DNAH11: variants seen among roughly 807,000 people sequenced by gnomAD.
DNAH11 encodes the protein dynein axonemal heavy chain 11.
DNAH11 carries 442 observed loss-of-function variants against 526.0 expected under a neutral mutation model. The ratio of observed to expected loss-of-function variants is 0.84; its 90% CI spans 0.78 to 0.91. DNAH11 has a LOEUF of 0.91. Among genes scored for constraint, DNAH11 ranks in the 40% least tolerant of loss-of-function variants. DNAH11 has a pLI of 0.00. For synonymous variants in DNAH11, 2,461 were observed against 1,935.9 expected, an observed-to-expected ratio of 1.27 and a Z score of -7.12; for missense variants, 6,989 against 5,448.7, an observed-to-expected ratio of 1.28 and a Z score of -8.90.
intron 9 of DNAH11, among the ~76,000 whole-genome samples, chr7:21,583,397 G>C (rs1339257470): frequency 6.6e-6 from 1 of 152,162 alleles, no homozygotes; most frequent in Non-Finnish European, 1.5e-5. Context: ...GCAGAAAACG[G>C]AAACTGGACC....
At position 21,900,071 on chromosome 7, in the gene DNAH11, T is replaced by C. The variant is rs527548552; in HGVS notation, c.13254T>C (p.Tyr4418=). 69 of 1,613,942 alleles carry C rather than the reference T, an allele frequency of 4.3e-5. No homozygotes were observed. The East Asian group carries it at 1.4e-3, about 32-fold the overall frequency. The part of the protein sequence containing the change: ...ADVTKKTKED[Y]GHPPREGAYL... ...TTACCAAAAAAACAAAGGAAGATTA[T>C]GGACACCCGCCAAGGGAAGGTGCAT... Residue 4418 remains tyrosine (Y), a synonymous_variant, in exon 81 of 82, where the codon TAT becomes TAC. Transcript: ENST00000409508.
rs894257059 is a variant in DNAH11, at chr7:21,899,261, G to A, written c.13050-75G>A. The A allele has an allele frequency of 1.3e-5, 16 of 1,206,060 alleles. 1 individual carries two copies. The Middle Eastern group carries it at 5.7e-4, about 43-fold the overall frequency. The allele number at this position is 1,206,060 out of a possible 1,614,324, so 74.7% of individuals were successfully genotyped here. ...CCTCCACCACCACCCTGCCCTAACC[G>A]CCCACAACAGAACATACTGGAAAAT... On this transcript the variant is annotated intron_variant, in intron 79 of 81. Coordinates refer to ENST00000409508, the MANE Select transcript of DNAH11 (RefSeq NM_001277115.2).
At chr7:21,613,120 T>C (rs1785599657) in intron 20 of DNAH11, among the ~76,000 whole-genome samples, 4 of 151,626 alleles carry the variant, frequency 2.6e-5, no homozygotes, top group African/African-American at 9.7e-5. Context: ...AAAAAAATAG[T>C]GTGTATTCAT....
intron 66 of DNAH11, chr7:21,851,642 G>C (rs750638423): frequency 2.1e-6 from 1 of 471,164 alleles, no homozygotes; most frequent in African/African-American, 2.0e-5. Context: ...TTTCCTGGAG[G>C]TAAAACTCAA....
In DNAH11 at chr7:21,749,749, C is replaced by T; in HGVS notation, c.8745C>T (p.Ala2915=). The change falls in exon 53 of 82, where the codon GCC becomes GCT. Residue 2915 remains alanine (A), a synonymous_variant. Coordinates refer to ENST00000409508, the MANE Select transcript of DNAH11 (RefSeq NM_001277115.2). ...CCACTGTGTTCCTGCTGACAGATGC[C>T]CAGGTTCTAGATGAGAGCTTCCTCG... is the stretch of plus-strand genomic sequence containing the variant. The part of the protein sequence containing the change: ...NMPTVFLLTD[A]QVLDESFLVL... 1 of 1,613,902 alleles carries T rather than the reference C, an allele frequency of 6.2e-7. No individual in the cohort carries two copies. The highest frequency in any genetic ancestry group is 8.5e-7 in the Non-Finnish European group (1 of 1,179,840).
intron 32 of DNAH11, among the ~76,000 whole-genome samples, chr7:21,685,165 C>T (rs570557079): frequency 1.3e-5 from 2 of 152,272 alleles, no homozygotes; most frequent in East Asian, 1.9e-4. Flanking sequence ...ATTCACTGTC[C>T]TCATTAGTTA....
chr7:21,592,063 A>G (rs114943932), intron 14 of DNAH11, among the ~76,000 whole-genome samples: 42 of 152,042 alleles, frequency 2.8e-4, no homozygotes, highest in African/African-American at 8.7e-4. Context: ...AAACAGAAAA[A>G]AAACACACAC....
intron 14 of DNAH11, among the ~76,000 whole-genome samples, chr7:21,599,417 C>A (rs367659757): frequency 6.6e-6 from 1 of 152,142 alleles, no homozygotes; most frequent in Non-Finnish European, 1.5e-5. Flanking sequence ...TTTATTTATA[C>A]GGAAGGCCCT....
chr7:21,807,566 G>A (rs1160690879), intron 62 of DNAH11, among the ~76,000 whole-genome samples: 1 of 152,188 alleles, frequency 6.6e-6, no homozygotes, highest in Non-Finnish European at 1.5e-5. Context: ...TTCCCAGAGG[G>A]ACAGGGGAGA....
chr7:21,674,256 A>G (rs1782769570), intron 30 of DNAH11, among the ~76,000 whole-genome samples: 2 of 151,972 alleles, frequency 1.3e-5, no homozygotes, highest in Admixed American at 1.3e-4. Context: ...AGGCTTCACC[A>G]TCTTGGCCAG....
At chr7:21,845,481 A>G (rs1782384041) in intron 66 of DNAH11, among the ~76,000 whole-genome samples, 1 of 151,834 alleles carries the variant, frequency 6.6e-6, no homozygotes. Flanking sequence ...TTCTCCCTTA[A>G]ATTGCCTTTG....
intron 14 of DNAH11, among the ~76,000 whole-genome samples, chr7:21,599,460 A>G (rs1784987395): frequency 6.6e-6 from 1 of 152,244 alleles, no homozygotes; most frequent in Non-Finnish European, 1.5e-5. Flanking sequence ...AGAGTTAGTG[A>G]CAGAGCAAAA....
At chr7:21,556,545 C>A (rs547771912) in intron 2 of DNAH11, among the ~76,000 whole-genome samples, 3 of 152,254 alleles carry the variant, frequency 2.0e-5, no homozygotes, top group African/African-American at 7.2e-5. Context: ...ATCTTAGATT[C>A]AAGGGGTGCA....
chr7:21,563,630 C>T (rs1562663366), intron 5 of DNAH11, among the ~76,000 whole-genome samples: 2 of 152,136 alleles, frequency 1.3e-5, no homozygotes, highest in Non-Finnish European at 2.9e-5. Context: ...TGTTGTACAA[C>T]CTCACCTCTG....
chr7:21,577,600 G>C (rs1562674566), intron 8 of DNAH11, among the ~76,000 whole-genome samples: 1 of 152,154 alleles, frequency 6.6e-6, no homozygotes, highest in Non-Finnish European at 1.5e-5. Flanking sequence ...ACCACATGGG[G>C]AACTGGAAGT....
Position 21,659,013 on chromosome 7 carries a change from G to A in DNAH11, c.5310G>A (p.Lys1770=), listed in dbSNP as rs898900108. 1.2e-5 allele frequency: 19 copies of A among 1,597,360 alleles called. No homozygotes were observed. Among genetic ancestry groups the A allele is most frequent in the Non-Finnish European group, 1.4e-5 (17 of 1,172,786 alleles). ...AAGAAGGCTACGAAACAGCCCTGAA[G>A]GATTTCCATAAAAAACAGGTATTAC... is the stretch of plus-strand genomic sequence containing the variant. ...RLEEGYETAL[K]DFHKKQISQL... Residue 1770 remains lysine, a synonymous_variant, in exon 30 of 82, where the codon AAG becomes AAA. Transcript: ENST00000409508.
chr7:21,712,087 A>G (rs1784484501), intron 42 of DNAH11, among the ~76,000 whole-genome samples: 1 of 152,078 alleles, frequency 6.6e-6, no homozygotes, highest in African/African-American at 2.4e-5. Flanking sequence ...TTCTATCTCT[A>G]TGAATTAGAC....
chr7:21,623,652 C>G (rs2128455689), intron 25 of DNAH11, among the ~76,000 whole-genome samples: 1 of 152,130 alleles, frequency 6.6e-6, no homozygotes, highest in East Asian at 1.9e-4. Flanking sequence ...ATGATGAGTT[C>G]ATGTCCTTTG....
At chr7:21,764,003 G>A (rs1204502272) in intron 54 of DNAH11, among the ~76,000 whole-genome samples, 5 of 151,928 alleles carry the variant, frequency 3.3e-5, no homozygotes, top group African/African-American at 9.7e-5. Flanking sequence ...CCTAGAAACA[G>A]AAAGTAGAAT....
Sources: gnomAD v4.1 joint callset for allele counts (sites outside exome capture counted in the v4.1 genomes callset) on GRCh38, gnomAD v4.1.1 for gene constraint, MANE v1.5 for transcripts, NCBI Gene and HGNC (gene_info 2026-07-23, HGNC 2026-07-21) for gene names.